The following DENND4B variants were observed in gnomAD, a reference collection of about 807,000 sequenced individuals.
DENND4B encodes the protein DENN domain-containing protein 4B.
Under a neutral mutation model 161.0 loss-of-function variants are expected in DENND4B, and 67 were observed. The ratio of observed to expected loss-of-function variants is 0.42; its 90% confidence interval spans 0.34 to 0.51. The LOEUF is 0.51. Among genes scored for constraint, DENND4B ranks in the 20% least tolerant of loss-of-function variants. The probability of loss-of-function intolerance (pLI) is 0.08; values close to 1 mark genes in which losing one functional copy is unlikely to be tolerated. For synonymous variants in DENND4B, 753 were observed against 813.8 expected, an observed-to-expected ratio of 0.93 and a Z score of 1.27; for missense variants, 1,481 against 1,968.0, an observed-to-expected ratio of 0.75 and a Z score of 4.68.
In DENND4B at chr1:153,930,181, G is replaced by A. The variant is rs902461202; in HGVS notation, c.*116C>T. ...TTGTCCTCGCTTGGAGCCTTTGACT[G>A]GGCATCCTTCCCAGCCTGTTCCCAA... On this transcript the variant is annotated 3_prime_UTR_variant, in exon 28 of 28. Transcript: ENST00000361217. The surrounding 1 kb of genome is among the most constrained non-coding windows in gnomAD (Gnocchi z 4.7). 3.0e-6 allele frequency: 4 copies of A among 1,341,216 alleles called. No homozygotes were observed. Among genetic ancestry groups the A allele is most frequent in the South Asian group, 3.0e-5 (2 of 66,512 alleles). 83.1% of individuals were successfully genotyped at this position (1,341,216 alleles called of 1,614,324 possible). A position where few individuals can be genotyped will look rare whatever the true frequency, so the allele number is the denominator to read the frequency against.
In DENND4B at chr1:153,937,006, G is replaced by C. The variant is rs995184750; in HGVS notation, c.2233-258C>G. Among the ~76,000 whole-genome samples, 1 of 152,180 alleles carries C rather than the reference G, an allele frequency of 6.6e-6. No individual in the cohort carries two copies. On this transcript the variant is annotated intron_variant, in intron 15 of 27. Transcript: ENST00000361217. This position sits in a 1 kb window ranked among gnomAD's most constrained non-coding sequence, Gnocchi z 4.7. ...GACAAGGTTTTGCCACATTGCCCAGGCTAGTCACAAACTCCTGGGCGCAAG... is the reference window on the plus strand; with the variant it reads ...GACAAGGTTTTGCCACATTGCCCAGCCTAGTCACAAACTCCTGGGCGCAAG...
In DENND4B at chr1:153,937,712, A is replaced by C; in HGVS notation, c.2105+12T>G. ...GGGACCCTGGAACATGTGAAGGCTA[A>C]GAGACTCTCACCAGTACTGGGGAGT... On this transcript the variant is annotated intron_variant, in intron 14 of 27. Transcript: ENST00000361217. This position sits in a 1 kb window ranked among gnomAD's most constrained non-coding sequence, Gnocchi z 4.7. The C allele has an allele frequency of 6.2e-7, 1 of 1,614,052 alleles. No individual in the cohort carries two copies. Among genetic ancestry groups the C allele is most frequent in the Non-Finnish European group, 8.5e-7 (1 of 1,179,894 alleles).
chr1:153,942,709 G>A lies in DENND4B; in HGVS notation c.571-84C>T, dbSNP rs1679746507. ...CACTTTCTCTCTACCACCCCTAAAT[G>A]TTCTTTTGTCTTTAAAGCTCCCATT... On this transcript the variant is annotated intron_variant, in intron 3 of 27. Transcript: ENST00000361217. This position sits in a 1 kb window ranked among gnomAD's most constrained non-coding sequence, Gnocchi z 6.9. 4 of 1,484,572 alleles carry A rather than the reference G, an allele frequency of 2.7e-6. No individual in the cohort carries two copies. In the South Asian group the frequency reaches 4.1e-5, roughly 15 times the overall value. The allele number at this position is 1,484,572 out of a possible 1,614,324, so 92.0% of individuals were successfully genotyped here. A position where few individuals can be genotyped will look rare whatever the true frequency, so the allele number is the denominator to read the frequency against.
rs1397690376 is a variant in DENND4B, at chr1:153,933,123, A to G, written c.3453+74T>C. On this transcript the variant is annotated intron_variant, in intron 21 of 27. Transcript: ENST00000361217. The surrounding 1 kb of genome is among the most constrained non-coding windows in gnomAD (Gnocchi z 5.7). ...CCCCAGCCCCTCCCACCTCCTCCCC[A>G]TCTCCTGCCTTGGACAGGGTGAGTG... 6.2e-7 allele frequency: 1 copy of G among 1,609,788 alleles called. No individual in the cohort carries two copies. Among genetic ancestry groups the G allele is most frequent in the Non-Finnish European group, 8.5e-7 (1 of 1,177,174 alleles).
rs1679154572 is a variant in DENND4B at position 153,934,042 on chromosome 1, GC to G, written c.2941+92del. 9 of 1,463,060 alleles carry G rather than the reference GC, an allele frequency of 6.2e-6. No individual in the cohort carries two copies. The highest frequency in any genetic ancestry group is 6.3e-6 in the Non-Finnish European group (7 of 1,105,630). The allele number at this position is 1,463,060 out of a possible 1,614,324, so 90.6% of individuals were successfully genotyped here. The stretch of plus-strand genomic sequence containing the variant: ...TCTACAGCACCCACCACAGAGGGCC[GC>G]CCTCCACTCTGTTTCTGGTCTTCCC... On this transcript the variant is annotated intron_variant, in intron 19 of 27. Transcript: ENST00000361217. This position sits in a 1 kb window ranked among gnomAD's most constrained non-coding sequence, Gnocchi z 5.3.
In DENND4B at chr1:153,933,085, G is replaced by A. The variant is rs1179433014; in HGVS notation, c.3454-55C>T. ...GCTGTCTGGCCGCCAGCACTCTGGA[G>A]CCCATGCCCCTTCCCCAGCCCCTCC... On this transcript the variant is annotated intron_variant, in intron 21 of 27. Coordinates refer to ENST00000361217, the MANE Select transcript of DENND4B (RefSeq NM_014856.3). This position sits in a 1 kb window ranked among gnomAD's most constrained non-coding sequence, Gnocchi z 5.7. The A allele has an allele frequency of 6.2e-7, 1 of 1,610,470 alleles. No individual in the cohort carries two copies. The highest frequency in any genetic ancestry group is 2.2e-5 in the East Asian group (1 of 44,834).
At chr1:153,935,111 A>G in intron 17 of DENND4B, 147 bp from the exon 18 acceptor site, 1 of 1,426,834 alleles carries the variant, frequency 7.0e-7, no homozygotes, top group South Asian at 1.5e-5. Context: ...AGCCAGGAAC[A>G]AGAGCCCAGA....
At position 153,933,352 on chromosome 1, in the gene DENND4B, C is replaced by A. The variant is rs769947484; in HGVS notation, c.3331-33G>T. 2 of 1,613,098 alleles carry A rather than the reference C, an allele frequency of 1.2e-6. No homozygotes were observed. The highest frequency in any genetic ancestry group is 8.5e-7 in the Non-Finnish European group (1 of 1,179,578). On this transcript the variant is annotated intron_variant, in intron 20 of 27. Transcript: ENST00000361217. The surrounding 1 kb of genome is among the most constrained non-coding windows in gnomAD (Gnocchi z 5.7). ...GACATGAGAAACCATGGTCAGCCAA[C>A]CCCATGCTCTTCCACCCAGGATATG...
Position 153,938,912 on chromosome 1 carries a change from A to G in DENND4B, c.1953T>C (p.Ser651=). 2.5e-6 allele frequency: 4 copies of G among 1,590,106 alleles called. No individual in the cohort carries two copies. Among genetic ancestry groups the G allele is most frequent in the Non-Finnish European group, 3.4e-6 (4 of 1,168,010 alleles). The part of the protein sequence containing the change: ...ARHAALEFFD[S]CVEKVHPEQE... ...GAAGGGATGATACCTTTTCAACACA[A>G]GAGTCAAAGAATTCAAGGGCAGCAT... The change falls in exon 13 of 28, where the codon TCT becomes TCC. Residue 651 remains serine, a synonymous_variant. Transcript: ENST00000361217.
At chr1:153,943,166 C>T (rs1452175661) in intron 2 of DENND4B, 36 bp from the exon 3 acceptor site, 2 of 1,588,044 alleles carry the variant, frequency 1.3e-6, no homozygotes, top group Non-Finnish European at 1.7e-6. Context: ...GTTGAGAGGT[C>T]AGGGTAGAGG....
Position 153,937,423 on chromosome 1 carries a change from A to G in DENND4B, c.2232+65T>C, listed in dbSNP as rs1481241495. 6.9e-7 allele frequency: 1 copy of G among 1,459,800 alleles called. No homozygotes were observed. The highest frequency in any genetic ancestry group is 9.1e-7 in the Non-Finnish European group (1 of 1,103,318). The allele number at this position is 1,459,800 out of a possible 1,614,324, so 90.4% of individuals were successfully genotyped here. ...TGTTATACCCATTTTGTAGATGAGG[A>G]AACTGAAGCAGCAGCAGCCTTCAGC... On this transcript the variant is annotated intron_variant, in intron 15 of 27. Transcript: ENST00000361217. The surrounding 1 kb of genome is among the most constrained non-coding windows in gnomAD (Gnocchi z 4.7).
intron 13 of DENND4B, among the ~76,000 whole-genome samples, chr1:153,938,298 A>C (rs952515720): frequency 6.6e-6 from 1 of 151,924 alleles, no homozygotes. Flanking sequence ...AATCCCAGCT[A>C]CTCAGGAGAC....
Position 153,946,174 on chromosome 1 carries a change from G to C in DENND4B, c.-24+127C>G. On this transcript the variant is annotated intron_variant, in intron 1 of 27. Coordinates refer to ENST00000361217, the MANE Select transcript of DENND4B (RefSeq NM_014856.3). This position sits in a 1 kb window ranked among gnomAD's most constrained non-coding sequence, Gnocchi z 6.3. Reference sequence around the variant, plus strand: ...CCCCTCCACTTTCACTTCCCCAGGAGAGAGGAACCGGAACCAGATGTGCAG... The same window carrying C: ...CCCCTCCACTTTCACTTCCCCAGGACAGAGGAACCGGAACCAGATGTGCAG... 3.3e-6 allele frequency: 1 copy of C among 300,490 alleles called. No homozygotes were observed. The highest frequency in any genetic ancestry group is 6.1e-6 in the Non-Finnish European group (1 of 163,884). The allele number at this position is 300,490 out of a possible 1,614,324, so 18.6% of individuals were successfully genotyped here.
chr1:153,934,328 A>G lies in DENND4B; in HGVS notation c.2774-26T>C. ...CTGTAAAAGACGAGAAGGGGTTTAG[A>G]GGCGGCCAGCTAGGAACCCAGTCCC... On this transcript the variant is annotated intron_variant, in intron 18 of 27. Transcript: ENST00000361217. The surrounding 1 kb of genome is among the most constrained non-coding windows in gnomAD (Gnocchi z 5.3). The G allele has an allele frequency of 6.4e-7, 1 of 1,554,614 alleles. No homozygotes were observed. Among genetic ancestry groups the G allele is most frequent in the South Asian group, 1.2e-5 (1 of 82,706 alleles).
At position 153,930,060 on chromosome 1, in the gene DENND4B, C is replaced by T. The variant is rs944967339; in HGVS notation, c.*237G>A. On this transcript the variant is annotated 3_prime_UTR_variant, in exon 28 of 28. Coordinates refer to ENST00000361217, the MANE Select transcript of DENND4B (RefSeq NM_014856.3). The surrounding 1 kb of genome is among the most constrained non-coding windows in gnomAD (Gnocchi z 4.7). The stretch of plus-strand genomic sequence containing the variant: ...CAAGGGAAGAACAGAGCTGTACCAA[C>T]TCCCCCCAGATCTCCCCCAACATCA... The T allele has an allele frequency of 2.6e-5, 15 of 586,664 alleles. No homozygotes were observed. Among genetic ancestry groups the T allele is most frequent in the Middle Eastern group, 9.1e-4 (2 of 2,200 alleles). 36.3% of individuals were successfully genotyped at this position (586,664 alleles called of 1,614,324 possible). A position where few individuals can be genotyped will look rare whatever the true frequency, so the allele number is the denominator to read the frequency against.
intron 11 of DENND4B, 50 bp from the exon 12 acceptor site, chr1:153,939,854 C>T: frequency 6.4e-7 from 1 of 1,571,180 alleles, no homozygotes; most frequent in African/African-American, 1.3e-5. Context: ...ATAGTGTTAC[C>T]CTCAACTCTG....
In DENND4B at chr1:153,929,724, G is replaced by C. The variant is rs1678794912; in HGVS notation, c.*573C>G. 1.3e-5 allele frequency: 2 copies of C among 152,240 alleles called. No individual in the cohort carries two copies. Among genetic ancestry groups the C allele is most frequent in the Admixed American group, 1.3e-4 (2 of 15,262 alleles). The allele number at this position is 152,240 out of a possible 1,614,324, so 9.4% of individuals were successfully genotyped here. The stretch of plus-strand genomic sequence containing the variant: ...AAGGAACTACAAACCACCGGACCAT[G>C]GTGCCCTATTTCCCTTCCCTTTCTC... On this transcript the variant is annotated 3_prime_UTR_variant, in exon 28 of 28. Transcript: ENST00000361217.
rs1029184403 is a variant in DENND4B, at chr1:153,937,999, C to T, written c.1966-136G>A. The T allele has an allele frequency of 5.2e-5, 66 of 1,272,382 alleles. No homozygotes were observed. Among genetic ancestry groups the T allele is most frequent in the Non-Finnish European group, 6.7e-5 (61 of 909,372 alleles). The allele number at this position is 1,272,382 out of a possible 1,614,324, so 78.8% of individuals were successfully genotyped here. On this transcript the variant is annotated intron_variant, in intron 13 of 27. Transcript: ENST00000361217. This position sits in a 1 kb window ranked among gnomAD's most constrained non-coding sequence, Gnocchi z 4.7. Reference sequence around the variant, plus strand: ...CAGCCTGGGAAGATGGCGTCAGGAACGGGAGGACAGTACATTACATGTACG... The same window carrying T: ...CAGCCTGGGAAGATGGCGTCAGGAATGGGAGGACAGTACATTACATGTACG...
At chr1:153,931,405 T>C (rs1228542088) in intron 24 of DENND4B, among the ~76,000 whole-genome samples, 1 of 152,098 alleles carries the variant, frequency 6.6e-6, no homozygotes, top group Non-Finnish European at 1.5e-5. Context: ...CTTATGCCAT[T>C]TTACAGATGA....
Sources: allele counts gnomAD v4.1 joint callset (sites outside exome capture counted in the v4.1 genomes callset), GRCh38; gene constraint gnomAD v4.1.1; non-coding constraint Gnocchi (gnomAD v3.1); transcripts MANE v1.5; gene names NCBI Gene and HGNC (gene_info 2026-07-23, HGNC 2026-07-21).